ETNPPL: variants seen among roughly 807,000 people sequenced by gnomAD.
The protein encoded by ETNPPL is alanine--glyoxylate aminotransferase 2-like 1.
Under a neutral mutation model 55.5 loss-of-function variants are expected in ETNPPL, and 30 were observed. The observed-to-expected ratio is 0.54, with a 90% CI of 0.40 to 0.73. ETNPPL has a LOEUF of 0.73. Ranked by LOEUF, ETNPPL falls within the 30% of genes least tolerant of loss-of-function variation. The pLI is 0.00. For synonymous variants in ETNPPL, 202 were observed against 207.2 expected (o/e 0.98, Z 0.21); for missense variants, 528 against 607.9 (o/e 0.87, Z 1.38).
At position 108,760,183 on chromosome 4, in the gene ETNPPL, T is replaced by C; in HGVS notation, c.175+5A>G. The C allele has an allele frequency of 6.4e-7, 1 of 1,562,976 alleles. No individual in the cohort carries two copies. The highest frequency in any genetic ancestry group is 8.8e-7 in the Non-Finnish European group (1 of 1,134,394). On this transcript the variant is annotated splice_donor_5th_base_variant and intron_variant, in intron 2 of 12. Transcript: ENST00000296486. ...TCCAAAGCACTGCAAGGACAGGACATTTACCATGGGCAACATTGTTGATGC... is the reference window on the plus strand; with the variant it reads ...TCCAAAGCACTGCAAGGACAGGACACTTACCATGGGCAACATTGTTGATGC...
rs1728622366 is a variant in ETNPPL, at chr4:108,747,195, TATATATATATATA to T, written c.1083-357_1083-345del. ...ATATATATATAATATATATATATAT[TATATATATATATA>T]ATATATATATATATATTATATATAT... is the stretch of plus-strand genomic sequence containing the variant. On this transcript the variant is annotated intron_variant, in intron 9 of 12. Transcript: ENST00000296486. 1.9e-3 allele frequency among the ~76,000 whole-genome samples: 4 copies of T among 2,106 alleles called. 2 individuals are homozygous for T. Among genetic ancestry groups the T allele is most frequent in the African/African-American group, 7.6e-3 (4 of 524 alleles). The allele number at this position is 2,106 out of a possible 152,430, so 1.4% of individuals were successfully genotyped here. A position where few individuals can be genotyped will look rare whatever the true frequency, so the allele number is the denominator to read the frequency against.
intron 7 of ETNPPL, 103 bp from the exon 8 acceptor site, chr4:108,749,566 C>T (rs1332662826): frequency 4.9e-6 from 4 of 808,924 alleles, no homozygotes; most frequent in Non-Finnish European, 8.0e-6. Flanking sequence ...AGTTGTTAAC[C>T]TGAAGCCTTA....
At position 108,746,421 on chromosome 4, in the gene ETNPPL, G is replaced by A. The variant is rs1313984837; in HGVS notation, c.1281C>T (p.Asp427=). ...CACCTGTTAGAATCCTATCAAGTTG[G>A]TCCACCATGAACTTTGCATCTTCTT... The part of the protein sequence containing the change: ...FTEEDAKFMV[D]QLDRILTVLE... The change falls in exon 11 of 13, where the codon GAC becomes GAT. Residue 427 remains aspartate, a synonymous_variant. Transcript: ENST00000296486. 1.2e-6 allele frequency: 2 copies of A among 1,613,516 alleles called. No homozygotes were observed. The highest frequency in any genetic ancestry group is 1.7e-6 in the Non-Finnish European group (2 of 1,179,868).
At chr4:108,750,874 G>C in intron 7 of ETNPPL, 62 bp downstream of exon 7, 1 of 1,141,102 alleles carries the variant, frequency 8.8e-7, no homozygotes, top group Middle Eastern at 2.0e-4. Context: ...CAACTAGTAT[G>C]GCCCTACAGA....
Position 108,749,293 on chromosome 4 carries a change from G to A in ETNPPL, c.872C>T (p.Thr291Ile). Reference protein sequence around the residue: ...GNGHPVACVVTTKEIAEAFSS... With the variant: ...GNGHPVACVVITKEIAEAFSS... ...GAAGGCTTCTGCAATTTCTTTGGTTGTTACCACACATGCCACCGGGTGGCC... is the reference window on the plus strand; with the variant it reads ...GAAGGCTTCTGCAATTTCTTTGGTTATTACCACACATGCCACCGGGTGGCC... Residue 291 changes from threonine (T) to isoleucine (I), a missense_variant, in exon 8 of 13, where the codon ACA becomes ATA. Coordinates refer to ENST00000296486, the MANE Select transcript of ETNPPL (RefSeq NM_031279.4). 5.0e-6 allele frequency: 8 copies of A among 1,614,052 alleles called. No individual in the cohort carries two copies. The highest frequency in any genetic ancestry group is 5.9e-6 in the Non-Finnish European group (7 of 1,180,000).
At chr4:108,743,680 G>T in intron 12 of ETNPPL, 109 bp downstream of exon 12, 1 of 770,664 alleles carries the variant, frequency 1.3e-6, no homozygotes, top group Non-Finnish European at 2.3e-6. Flanking sequence ...AATACAGGCT[G>T]GCATTGTTCT....
At position 108,758,705 on chromosome 4, in the gene ETNPPL, C is replaced by T. The variant is rs566583893; in HGVS notation, c.335+1044G>A. Reference sequence around the variant, plus strand: ...GGCCCCAGGGTCCCCACGCTGACCCCGAGGCGCTGCTGGTGGCCCTGTGCA... The same window carrying T: ...GGCCCCAGGGTCCCCACGCTGACCCTGAGGCGCTGCTGGTGGCCCTGTGCA... On this transcript the variant is annotated intron_variant, in intron 3 of 12. Coordinates refer to ENST00000296486, the MANE Select transcript of ETNPPL (RefSeq NM_031279.4). 3.3e-5 allele frequency among the ~76,000 whole-genome samples: 5 copies of T among 152,336 alleles called. No individual in the cohort carries two copies. The South Asian group carries it at 6.2e-4, about 19-fold the overall frequency.
intron 9 of ETNPPL, among the ~76,000 whole-genome samples, chr4:108,747,073 C>G (rs1240275150): frequency 1.5e-5 from 2 of 137,916 alleles, no homozygotes; most frequent in African/African-American, 2.6e-5. Context: ...TAAAAACAAC[C>G]CTTTCATGCT....
intron 9 of ETNPPL, 32 bp from the exon 10 acceptor site, chr4:108,746,883 A>G (rs1728531072): frequency 2.0e-6 from 3 of 1,481,940 alleles, no homozygotes; most frequent in Non-Finnish European, 2.8e-6. Context: ...TTGACCCACA[A>G]TCTGTCCAAC....
chr4:108,745,266 A>G (rs1728415410), intron 11 of ETNPPL, among the ~76,000 whole-genome samples: 1 of 152,208 alleles, frequency 6.6e-6, no homozygotes, highest in Non-Finnish European at 1.5e-5. Flanking sequence ...GATTTTCAAT[A>G]TTTTAAATAT....
At chr4:108,756,249 G>A (rs1483684251) in intron 4 of ETNPPL, among the ~76,000 whole-genome samples, 169 bp downstream of exon 4, 1 of 152,164 alleles carries the variant, frequency 6.6e-6, no homozygotes, top group African/African-American at 2.4e-5. Flanking sequence ...TATCCCTCTG[G>A]ATTTAAGCTG....
intron 5 of ETNPPL, among the ~76,000 whole-genome samples, chr4:108,753,800 G>GAAAGAAAGAAAGAAAGAAAAGA (rs374263477): frequency 5.5e-5 from 6 of 109,070 alleles, no homozygotes; most frequent in African/African-American, 3.0e-4. Context: ...AAGAAAGAAA[G>GAAAGAAAGAAAGAAAGAAAAGA]AAAGAAAAGA....
chr4:108,760,327 C>T, intron 1 of ETNPPL, 21 bp from the exon 2 acceptor site: 1 of 1,405,920 alleles, frequency 7.1e-7, no homozygotes, highest in Admixed American at 1.7e-5. Context: ...TCAAAGGAAA[C>T]ACTTTGGTCT....
chr4:108,746,066 C>T (rs1728477552), intron 11 of ETNPPL, among the ~76,000 whole-genome samples: 1 of 151,756 alleles, frequency 6.6e-6, no homozygotes, highest in Non-Finnish European at 1.5e-5. Flanking sequence ...ATACTATATA[C>T]TGTAGTATTT....
At position 108,762,884 on chromosome 4, in the gene ETNPPL, G is replaced by A. The variant is rs1729587731; in HGVS notation, c.15C>T (p.Tyr5=). The change falls in exon 1 of 13, where the codon TAC becomes TAT. Residue 5 remains tyrosine (Y), a synonymous_variant. Transcript: ENST00000296486. MCEL[Y]SKRDTLGLRK... ...TCAGCCCCAGAGTGTCCCGCTTACT[G>A]TACAGCTCGCACATGGTGGCGGGGT... The A allele has an allele frequency of 6.2e-7, 1 of 1,614,098 alleles. No homozygotes were observed. Among genetic ancestry groups the A allele is most frequent in the Non-Finnish European group, 8.5e-7 (1 of 1,179,930 alleles).
At chr4:108,751,507 G>GT (rs1282724416) in intron 6 of ETNPPL, among the ~76,000 whole-genome samples, 1 of 152,144 alleles carries the variant, frequency 6.6e-6, no homozygotes, top group Non-Finnish European at 1.5e-5. Flanking sequence ...GTATTTCTAG[G>GT]TTTTGCCCTA....
chr4:108,759,086 C>A (rs561151066), intron 3 of ETNPPL, among the ~76,000 whole-genome samples: 1 of 152,174 alleles, frequency 6.6e-6, no homozygotes, highest in South Asian at 2.1e-4. Context: ...TGAAATGTAT[C>A]TATTTGAGTT....
chr4:108,746,936 T>C (rs1728536989), intron 9 of ETNPPL, 85 bp from the exon 10 acceptor site: 1 of 821,680 alleles, frequency 1.2e-6, no homozygotes, highest in South Asian at 1.6e-5. Context: ...CAAACTTCCA[T>C]TTAATTTCCA....
At chr4:108,747,142 AT>A (rs1560650036) in intron 9 of ETNPPL, among the ~76,000 whole-genome samples, 408 of 24,866 alleles carry the variant, frequency 0.016, 41 homozygotes, top group African/African-American at 0.068. Context: ...ATATATATAT[AT>A]ATATAATATA....
Sources: allele counts gnomAD v4.1 joint callset (sites outside exome capture counted in the v4.1 genomes callset), GRCh38; gene constraint gnomAD v4.1.1; transcripts MANE v1.5; gene names NCBI Gene and HGNC (gene_info 2026-07-23, HGNC 2026-07-21).